SORCS3: variants seen among roughly 807,000 people sequenced by gnomAD.
The protein encoded by SORCS3 is sortilin related VPS10 domain containing receptor 3, also known as VPS10 domain-containing receptor SorCS3.
Under a neutral mutation model 146.3 loss-of-function variants are expected in SORCS3, and 57 were observed. The ratio of observed to expected loss-of-function variants is 0.39; its 90% CI spans 0.31 to 0.49. The LOEUF is 0.49. SORCS3 is among the 20% of genes least tolerant of loss of function. The pLI, the probability that SORCS3 is intolerant of heterozygous loss-of-function variation, is 0.92. For missense variants in SORCS3, 1,341 were observed against 1,575.5 expected, an observed-to-expected ratio of 0.85 and a Z score of 2.52; for synonymous variants, 653 against 618.5, an observed-to-expected ratio of 1.06 and a Z score of -0.83.
rs531473661 is a variant in SORCS3, at chr10:105,160,474, A to G, written c.1732+1480A>G. On this transcript the variant is annotated intron_variant, in intron 11 of 26. Transcript: ENST00000369701. Reference sequence around the variant, plus strand: ...AAACCCCGTCTCTACCAAAAATACAAAAATTAACCAGGTGTGGTGGTGCAT... The same window carrying G: ...AAACCCCGTCTCTACCAAAAATACAGAAATTAACCAGGTGTGGTGGTGCAT... Among the ~76,000 whole-genome samples the G allele has an allele frequency of 3.9e-5, 6 of 152,208 alleles. No homozygotes were observed. In the South Asian group the frequency reaches 8.3e-4, roughly 21 times the overall value.
rs146430633 is a variant in SORCS3 at position 104,888,825 on chromosome 10, G to C, written c.696-27008G>C. Among the ~76,000 whole-genome samples, 174 of 152,320 alleles carry C rather than the reference G, an allele frequency of 1.1e-3. 5 individuals carry two copies. The East Asian group carries it at 0.024, about 21-fold the overall frequency. ...CCTTTCAGTTTGTGAGTTGTGGGAA[G>C]ATCCTTGGGGAGTGACTGAGTTGGC... On this transcript the variant is annotated intron_variant, in intron 2 of 26. Coordinates refer to ENST00000369701, the MANE Select transcript of SORCS3 (RefSeq NM_014978.3).
intron 4 of SORCS3, among the ~76,000 whole-genome samples, chr10:105,033,755 T>G (rs952388527): frequency 1.3e-5 from 2 of 152,222 alleles, no homozygotes; most frequent in African/African-American, 4.8e-5. Flanking sequence ...CCTCACCGAC[T>G]TCCTATGGTT....
At chr10:105,043,472 A>G (rs538791961) in intron 5 of SORCS3, among the ~76,000 whole-genome samples, 1 of 152,262 alleles carries the variant, frequency 6.6e-6, no homozygotes, top group Admixed American at 6.5e-5. Flanking sequence ...CTCTTTTTGG[A>G]AAAGTGCATA....
intron 2 of SORCS3, among the ~76,000 whole-genome samples, chr10:104,883,230 T>G (rs1433692983): frequency 2.6e-5 from 4 of 152,166 alleles, no homozygotes; most frequent in African/African-American, 9.7e-5. Flanking sequence ...GCTGCCTAAT[T>G]AATCACAAGC....
At chr10:104,941,618 G>C (rs1357778261) in intron 3 of SORCS3, among the ~76,000 whole-genome samples, 1 of 152,152 alleles carries the variant, frequency 6.6e-6, no homozygotes, top group Non-Finnish European at 1.5e-5. Flanking sequence ...ATCAGGCTGA[G>C]AACTACCACT....
chr10:105,136,767 C>A (rs1291975089), intron 7 of SORCS3, among the ~76,000 whole-genome samples: 1 of 152,170 alleles, frequency 6.6e-6, no homozygotes, highest in Non-Finnish European at 1.5e-5. Flanking sequence ...CAGGATGAAG[C>A]TTGGTATCTC....
intron 2 of SORCS3, among the ~76,000 whole-genome samples, chr10:104,892,754 T>G (rs1173102024): frequency 6.6e-6 from 1 of 152,092 alleles, no homozygotes; most frequent in Non-Finnish European, 1.5e-5. Flanking sequence ...TCCTATTGCT[T>G]GAGACACAAG....
chr10:104,750,951 C>T (rs2451461), intron 1 of SORCS3, among the ~76,000 whole-genome samples: 123,702 of 152,120 alleles, frequency 0.81, 50,750 homozygotes, highest in East Asian at 0.94. Context: ...TTTCTTAGTT[C>T]GGAATATCGT....
At chr10:104,782,903 T>C (rs1174678843) in intron 1 of SORCS3, among the ~76,000 whole-genome samples, 1 of 152,214 alleles carries the variant, frequency 6.6e-6, no homozygotes, top group Non-Finnish European at 1.5e-5. Context: ...AGTCCAACCA[T>C]ACTGAATGAG....
At chr10:104,681,618 C>G (rs557739524) in intron 1 of SORCS3, among the ~76,000 whole-genome samples, 11 of 152,294 alleles carry the variant, frequency 7.2e-5, no homozygotes, top group African/African-American at 2.2e-4. Context: ...TTCTCCATCA[C>G]TAGGGGATTG....
chr10:104,657,558 T>A (rs1162137961), intron 1 of SORCS3, among the ~76,000 whole-genome samples: 1 of 152,166 alleles, frequency 6.6e-6, no homozygotes, highest in Non-Finnish European at 1.5e-5. Context: ...CAATTCATGG[T>A]TTCTTTTTCT....
intron 5 of SORCS3, among the ~76,000 whole-genome samples, chr10:105,060,298 A>G (rs534217362): frequency 1.4e-4 from 22 of 152,304 alleles, no homozygotes; most frequent in African/African-American, 5.3e-4. Context: ...GGAAATTGTT[A>G]GTAGGTCAGT....
rs980422081 is a variant in SORCS3 at position 105,264,620 on chromosome 10, A to G, written c.*1246A>G. ...CCTTTAATGATATTAGTCAAAGGCA[A>G]TTTTAGCAAAGCTGTGCTATTTGCT... On this transcript the variant is annotated 3_prime_UTR_variant, in exon 27 of 27. Coordinates refer to ENST00000369701, the MANE Select transcript of SORCS3 (RefSeq NM_014978.3). The G allele has an allele frequency of 2.5e-4, 38 of 152,650 alleles. No homozygotes were observed. The highest frequency in any genetic ancestry group is 8.9e-4 in the African/African-American group (37 of 41,466). The allele number at this position is 152,650 out of a possible 1,614,324, so 9.5% of individuals were successfully genotyped here.
chr10:104,813,572 G>T (rs1393772488), intron 1 of SORCS3, among the ~76,000 whole-genome samples: 1 of 152,078 alleles, frequency 6.6e-6, no homozygotes, highest in Non-Finnish European at 1.5e-5. Context: ...CCAGTGTGCT[G>T]GGTGCATGTA....
intron 25 of SORCS3, among the ~76,000 whole-genome samples, chr10:105,259,922 A>G (rs1422405695): frequency 6.6e-6 from 1 of 152,204 alleles, no homozygotes; most frequent in Non-Finnish European, 1.5e-5. Context: ...ATGTTGGTCC[A>G]AGACATATCT....
At chr10:104,695,050 T>C (rs2016158457) in intron 1 of SORCS3, among the ~76,000 whole-genome samples, 1 of 152,194 alleles carries the variant, frequency 6.6e-6, no homozygotes, top group African/African-American at 2.4e-5. Flanking sequence ...TTTGGAGCTA[T>C]GAAGGAAGCC....
chr10:104,713,679 G>A (rs1277383257), intron 1 of SORCS3, among the ~76,000 whole-genome samples: 2 of 152,090 alleles, frequency 1.3e-5, no homozygotes, highest in Non-Finnish European at 2.9e-5. Flanking sequence ...TTTATATATT[G>A]TTGAGTTGAT....
At chr10:105,146,504 G>A (rs897177435) in intron 8 of SORCS3, among the ~76,000 whole-genome samples, 39 of 152,132 alleles carry the variant, frequency 2.6e-4, no homozygotes, top group African/African-American at 8.7e-4. Context: ...ACCCTAACTT[G>A]GGGTCCTGAC....
At chr10:105,071,448 T>C (rs1402116856) in intron 5 of SORCS3, among the ~76,000 whole-genome samples, 1 of 152,220 alleles carries the variant, frequency 6.6e-6, no homozygotes, top group Non-Finnish European at 1.5e-5. Flanking sequence ...ATCTAGCATT[T>C]AGTAAGTCCA....
Sources: gnomAD v4.1 joint callset for allele counts (sites outside exome capture counted in the v4.1 genomes callset) on GRCh38, gnomAD v4.1.1 for gene constraint, MANE v1.5 for transcripts, NCBI Gene and HGNC (gene_info 2026-07-23, HGNC 2026-07-21) for gene names.